The following LRP1B variants were observed in gnomAD, a reference collection of about 807,000 sequenced individuals.
LRP1B encodes the protein LDL receptor related protein 1B, also known as low-density lipoprotein receptor-related protein 1B.
In LRP1B, 217 loss-of-function variants were observed where a neutral mutation model predicts 556.6. The observed-to-expected ratio is 0.39, with a 90% CI of 0.35 to 0.44. The LOEUF is 0.44. LRP1B is among the 20% of genes least tolerant of loss of function. The pLI is 1.00. For missense variants in LRP1B, 5,053 were observed against 5,620.8 expected (o/e 0.90, Z 3.23); for synonymous variants, 2,047 against 1,865.8 (o/e 1.10, Z -2.50).
Position 140,903,163 on chromosome 2 carries a change from C to G in LRP1B, c.3523G>C (p.Glu1175Gln), listed in dbSNP as rs1186175911. ...DGSDEGYLCD[E>Q]CSLNNGGCSN... Reference sequence around the variant, plus strand: ...CAGCCTCCATTGTTCAGCGAACACTCATCTATAAAAAGGGGGGAACAGATT... The same window carrying G: ...CAGCCTCCATTGTTCAGCGAACACTGATCTATAAAAAGGGGGGAACAGATT... Residue 1175 changes from glutamate (E) to glutamine (Q), a missense_variant and splice_region_variant, in exon 23 of 91, where the codon GAG becomes CAG. Around this residue, in one of 5 missense-constraint regions of LRP1B, gnomAD observed 3,619 missense variants for 3,931.9 expected, o/e 0.92. Transcript: ENST00000389484. 6.2e-7 allele frequency: 1 copy of G among 1,612,532 alleles called. No individual in the cohort carries two copies. Among genetic ancestry groups the G allele is most frequent in the African/African-American group, 1.3e-5 (1 of 74,858 alleles).
intron 43 of LRP1B, among the ~76,000 whole-genome samples, chr2:140,581,472 C>T (rs904070965): frequency 2.9e-4 from 44 of 151,968 alleles, no homozygotes; most frequent in African/African-American, 1.0e-3. Context: ...TAAGCTCTTG[C>T]CTCAGGCTTT....
At chr2:141,240,364 T>C (rs1027808539) in intron 5 of LRP1B, among the ~76,000 whole-genome samples, 1 of 130,356 alleles carries the variant, frequency 7.7e-6, no homozygotes, top group Non-Finnish European at 1.7e-5. Context: ...AATTTTTTTT[T>C]CTTAAAAAAT....
intron 41 of LRP1B, among the ~76,000 whole-genome samples, chr2:140,630,673 A>G (rs1683846649): frequency 6.6e-6 from 1 of 152,200 alleles, no homozygotes; most frequent in African/African-American, 2.4e-5. Flanking sequence ...AATTAAGAAA[A>G]AAAACCCTCA....
intron 2 of LRP1B, among the ~76,000 whole-genome samples, chr2:141,540,558 G>A (rs367922590): frequency 4.6e-5 from 7 of 151,792 alleles, no homozygotes; most frequent in African/African-American, 9.7e-5. Context: ...AGAGACTTTC[G>A]TTTTTGAGAT....
At chr2:142,082,392 G>A (rs779947002) in intron 1 of LRP1B, among the ~76,000 whole-genome samples, 1 of 152,082 alleles carries the variant, frequency 6.6e-6, no homozygotes, top group Non-Finnish European at 1.5e-5. Flanking sequence ...ATTATACCAA[G>A]TATTATCATT....
At position 142,005,879 on chromosome 2, in the gene LRP1B, C is replaced by T. The variant is rs1038458093; in HGVS notation, c.82+124769G>A. ...TGGTCTCCTCCTCTTTCTCTTTATCCTCTCATGAAAAAAAAAAAGAAAAAA... is the reference window on the plus strand; with the variant it reads ...TGGTCTCCTCCTCTTTCTCTTTATCTTCTCATGAAAAAAAAAAAGAAAAAA... On this transcript the variant is annotated intron_variant, in intron 1 of 90. Transcript: ENST00000389484. Among the ~76,000 whole-genome samples, 5 of 146,696 alleles carry T rather than the reference C, an allele frequency of 3.4e-5. No homozygotes were observed. The Admixed American group carries it at 3.5e-4, about 10-fold the overall frequency.
intron 1 of LRP1B, among the ~76,000 whole-genome samples, chr2:142,106,731 G>C (rs1262159669): frequency 2.0e-5 from 3 of 152,086 alleles, no homozygotes; most frequent in Non-Finnish European, 4.4e-5. Flanking sequence ...ATAATAATCA[G>C]TGGTAATAAT....
At chr2:141,072,898 C>T (rs1441880350) in intron 7 of LRP1B, among the ~76,000 whole-genome samples, 3 of 151,988 alleles carry the variant, frequency 2.0e-5, no homozygotes, top group African/African-American at 7.2e-5. Context: ...AGCAAGCATC[C>T]TCTCTTTTTG....
rs139029842 is a variant in LRP1B at position 141,742,819 on chromosome 2, A to C, written c.205+67460T>G. Reference sequence around the variant, plus strand: ...TGATATTTGATAGTTTTCATTGTACAAGCTTTCATTTCTCTGGTTAAACTA... The same window carrying C: ...TGATATTTGATAGTTTTCATTGTACCAGCTTTCATTTCTCTGGTTAAACTA... On this transcript the variant is annotated intron_variant, in intron 2 of 90. Transcript: ENST00000389484. 1.8e-3 allele frequency among the ~76,000 whole-genome samples: 276 copies of C among 152,196 alleles called. 1 individual carries two copies. Among genetic ancestry groups the C allele is most frequent in the African/African-American group, 5.9e-3 (243 of 41,530 alleles).
intron 77 of LRP1B, among the ~76,000 whole-genome samples, chr2:140,348,422 G>A (rs1361256137): frequency 6.6e-6 from 1 of 151,992 alleles, no homozygotes; most frequent in Non-Finnish European, 1.5e-5. Context: ...TGGCTCAGAG[G>A]TTCCAAACTT....
intron 7 of LRP1B, among the ~76,000 whole-genome samples, chr2:141,141,136 T>C (rs997927027): frequency 1.3e-5 from 2 of 152,148 alleles, no homozygotes; most frequent in Non-Finnish European, 2.9e-5. Flanking sequence ...TGAAACATTT[T>C]GTTATTTGGT....
intron 41 of LRP1B, among the ~76,000 whole-genome samples, chr2:140,692,399 G>C (rs1686276930): frequency 6.6e-6 from 1 of 152,112 alleles, no homozygotes; most frequent in South Asian, 2.1e-4. Context: ...CTAGGTGAAA[G>C]TATATGAACC....
chr2:140,906,757 A>G (rs1178986590), intron 22 of LRP1B, among the ~76,000 whole-genome samples: 1 of 152,086 alleles, frequency 6.6e-6, no homozygotes, highest in Non-Finnish European at 1.5e-5. Context: ...ACTCCACTAC[A>G]AAGAATAAGC....
At chr2:141,465,273 A>G (rs4371297) in intron 3 of LRP1B, among the ~76,000 whole-genome samples, 58,936 of 151,830 alleles carry the variant, frequency 0.39, 11,650 homozygotes, top group Non-Finnish European at 0.42. Flanking sequence ...GAAAATAAAG[A>G]CTGAAAAAGT....
chr2:141,830,669 T>A (rs552861776), intron 1 of LRP1B, among the ~76,000 whole-genome samples: 1 of 151,962 alleles, frequency 6.6e-6, no homozygotes, highest in East Asian at 1.9e-4. Context: ...GCACTAGTGA[T>A]TCATTAGTTT....
intron 43 of LRP1B, among the ~76,000 whole-genome samples, chr2:140,590,333 ATG>A (rs80111294): frequency 2.3e-4 from 32 of 138,192 alleles, no homozygotes; most frequent in Admixed American, 2.3e-4. Flanking sequence ...ATGTATACAA[ATG>A]TGTGTGTGTA....
chr2:141,938,234 A>C (rs1022561510), intron 1 of LRP1B, among the ~76,000 whole-genome samples: 2 of 152,206 alleles, frequency 1.3e-5, no homozygotes, highest in African/African-American at 4.8e-5. Flanking sequence ...TAAAGTATAC[A>C]AGGAACTCAC....
chr2:141,215,941 A>G (rs1682787087), intron 6 of LRP1B, among the ~76,000 whole-genome samples: 1 of 152,232 alleles, frequency 6.6e-6, no homozygotes, highest in Non-Finnish European at 1.5e-5. Flanking sequence ...AGCAGAATTC[A>G]AGCAGGCTGC....
intron 66 of LRP1B, among the ~76,000 whole-genome samples, chr2:140,432,723 G>A (rs1221716327): frequency 6.6e-6 from 1 of 152,122 alleles, no homozygotes; most frequent in African/African-American, 2.4e-5. Context: ...CATCATCTAT[G>A]GACAATTTTA....
Sources: gnomAD v4.1 joint callset for allele counts (sites outside exome capture counted in the v4.1 genomes callset) on GRCh38, gnomAD v4.1.1 for gene constraint, gnomAD v4.1.1 regional missense constraint, MANE v1.5 for transcripts, NCBI Gene and HGNC (gene_info 2026-07-23, HGNC 2026-07-21) for gene names.